Variants in RPTOR observed in about 807,000 individuals in gnomAD.
The protein encoded by RPTOR is regulatory associated protein of MTOR complex 1.
Under a neutral mutation model 169.9 loss-of-function variants are expected in RPTOR, and 21 were observed. The ratio of observed to expected loss-of-function variants is 0.12; its 90% CI spans 0.09 to 0.18. RPTOR has a LOEUF of 0.18. Among genes scored for constraint, RPTOR ranks in the 10% least tolerant of loss-of-function variants. The probability of loss-of-function intolerance (pLI) is 1.00; values close to 1 mark genes in which losing one functional copy is unlikely to be tolerated. For missense variants in RPTOR, 1,133 were observed against 1,855.9 expected (o/e 0.61, Z 7.16); for synonymous variants, 732 against 753.2 (o/e 0.97, Z 0.46).
chr17:80,856,873 C>T (rs540355524), intron 12 of RPTOR, among the ~76,000 whole-genome samples: 13 of 152,302 alleles, frequency 8.5e-5, no homozygotes, highest in South Asian at 4.1e-4. Context: ...GCTGGATAAA[C>T]GAGGTATTTT....
At chr17:80,572,169 C>T (rs2064913358) in intron 1 of RPTOR, among the ~76,000 whole-genome samples, 1 of 152,152 alleles carries the variant, frequency 6.6e-6, no homozygotes, top group Non-Finnish European at 1.5e-5. Context: ...ACCATCACGG[C>T]TCACTGCAGC....
At chr17:80,569,499 T>G (rs1284467837) in intron 1 of RPTOR, among the ~76,000 whole-genome samples, 1 of 151,332 alleles carries the variant, frequency 6.6e-6, no homozygotes, top group African/African-American at 2.4e-5. Context: ...TACTCCAGCC[T>G]GGGCAACAGA....
chr17:80,893,147 C>T (rs2068347783), intron 19 of RPTOR, among the ~76,000 whole-genome samples: 1 of 152,264 alleles, frequency 6.6e-6, no homozygotes. Context: ...AGGGCTGTGC[C>T]CTGCCCCCGT....
chr17:80,765,265 G>C (rs968077020), intron 6 of RPTOR, among the ~76,000 whole-genome samples: 8 of 152,130 alleles, frequency 5.3e-5, no homozygotes, highest in Admixed American at 1.3e-4. Context: ...CTGGGCACTT[G>C]CTCTCAGTTC....
rs2066289174 is a variant in RPTOR at position 80,721,794 on chromosome 17, C to T, written c.508-8766C>T. Among the ~76,000 whole-genome samples, 1 of 151,212 alleles carries T rather than the reference C, an allele frequency of 6.6e-6. No homozygotes were observed. The highest frequency in any genetic ancestry group is 2.1e-4 in the South Asian group (1 of 4,826). ...TATTTATTAATAGGCTTAAGATAGC[C>T]AGAAGGACATTTCTGCTAGAAAGTT... is the stretch of plus-strand genomic sequence containing the variant. On this transcript the variant is annotated intron_variant, in intron 4 of 33. Coordinates refer to ENST00000306801, the MANE Select transcript of RPTOR (RefSeq NM_020761.3). The surrounding 1 kb of genome is among the most constrained non-coding windows in gnomAD (Gnocchi z 4.7).
At chr17:80,716,530 C>T (rs2066240968) in intron 4 of RPTOR, among the ~76,000 whole-genome samples, 1 of 152,120 alleles carries the variant, frequency 6.6e-6, no homozygotes, top group South Asian at 2.1e-4. Flanking sequence ...TCTGTTTACT[C>T]TGCTGACTGT....
chr17:80,935,146 C>A (rs953798921), intron 24 of RPTOR, among the ~76,000 whole-genome samples: 1 of 151,980 alleles, frequency 6.6e-6, no homozygotes, highest in African/African-American at 2.4e-5. Flanking sequence ...AAGTATAAAT[C>A]TTTTTTCAAA....
At chr17:80,776,871 CAG>C (rs2066896729) in intron 6 of RPTOR, among the ~76,000 whole-genome samples, 1 of 152,120 alleles carries the variant, frequency 6.6e-6, no homozygotes. Context: ...AGGCCGGAGA[CAG>C]AGAAGGCCCC....
rs917990603 is a variant in RPTOR, at chr17:80,964,587, G to A, written c.*257G>A. 2.0e-5 allele frequency: 11 copies of A among 554,312 alleles called. No individual in the cohort carries two copies. The highest frequency in any genetic ancestry group is 3.0e-5 in the East Asian group (1 of 33,870). 34.3% of individuals were successfully genotyped at this position (554,312 alleles called of 1,614,324 possible). Reference sequence around the variant, plus strand: ...CACCAGCATCCAGGTGCACCCCCGCGGCCACGGCGCCTCTGTCCCTCTCCT... The same window carrying A: ...CACCAGCATCCAGGTGCACCCCCGCAGCCACGGCGCCTCTGTCCCTCTCCT... On this transcript the variant is annotated 3_prime_UTR_variant, in exon 34 of 34. Coordinates refer to ENST00000306801, the MANE Select transcript of RPTOR (RefSeq NM_020761.3).
At chr17:80,586,485 C>T (rs1371845091) in intron 1 of RPTOR, among the ~76,000 whole-genome samples, 2 of 152,178 alleles carry the variant, frequency 1.3e-5, no homozygotes, top group Non-Finnish European at 2.9e-5. Flanking sequence ...AAAAAAGTAA[C>T]AAAGAATTAA....
intron 13 of RPTOR, among the ~76,000 whole-genome samples, chr17:80,879,324 T>A (rs989843882): frequency 6.6e-6 from 1 of 150,844 alleles, no homozygotes; most frequent in African/African-American, 2.4e-5. Flanking sequence ...TGCTGGGCTC[T>A]GCAGCCCCTC....
At chr17:80,826,091 T>A (rs62069420) in intron 9 of RPTOR, among the ~76,000 whole-genome samples, 5,537 of 152,162 alleles carry the variant, frequency 0.036, 147 homozygotes, top group East Asian at 0.069. Context: ...TTGTCAGACA[T>A]AGGCCACCCA....
At chr17:80,729,032 C>T (rs934052380) in intron 4 of RPTOR, among the ~76,000 whole-genome samples, 2 of 152,232 alleles carry the variant, frequency 1.3e-5, no homozygotes, top group Non-Finnish European at 2.9e-5. Context: ...ACCCCCCACA[C>T]ATCTGCGTCG....
At chr17:80,864,456 G>A (rs573008651) in intron 13 of RPTOR, among the ~76,000 whole-genome samples, 35 of 152,202 alleles carry the variant, frequency 2.3e-4, no homozygotes, top group Non-Finnish European at 3.4e-4. Flanking sequence ...TCCTACAGAT[G>A]GAAAAGGCAG....
Position 80,707,136 on chromosome 17 carries a change from A to C in RPTOR, c.349-705A>C, listed in dbSNP as rs1236961198. Among the ~76,000 whole-genome samples the C allele has an allele frequency of 3.9e-5, 6 of 151,994 alleles. No homozygotes were observed. The East Asian group carries it at 1.2e-3, about 29-fold the overall frequency. ...GGAGCTTTCAGCAGGGCGATTCCTT[A>C]CTCGGTCTCTTCACTCTTCTGCCAT... On this transcript the variant is annotated intron_variant, in intron 3 of 33. Coordinates refer to ENST00000306801, the MANE Select transcript of RPTOR (RefSeq NM_020761.3). This position sits in a 1 kb window ranked among gnomAD's most constrained non-coding sequence, Gnocchi z 5.0.
chr17:80,834,384 G>A (rs1169019264), intron 9 of RPTOR, among the ~76,000 whole-genome samples: 3 of 151,976 alleles, frequency 2.0e-5, no homozygotes, highest in Non-Finnish European at 1.5e-5. Context: ...CTGGGTAGCC[G>A]GACGGCCCCG....
chr17:80,855,917 C>G (rs371884473), intron 12 of RPTOR, among the ~76,000 whole-genome samples: 2 of 152,180 alleles, frequency 1.3e-5, no homozygotes, highest in African/African-American at 4.8e-5. Context: ...GCTGCTTCCC[C>G]CAGGAGGAGT....
intron 13 of RPTOR, among the ~76,000 whole-genome samples, chr17:80,868,269 A>G (rs1033995892): frequency 6.6e-6 from 1 of 152,236 alleles, no homozygotes; most frequent in African/African-American, 2.4e-5. Context: ...AAAATTGGGC[A>G]AAAGGTTTGA....
Position 80,660,097 on chromosome 17 carries a change from C to T in RPTOR, c.348+16287C>T, listed in dbSNP as rs562449870. 5.9e-5 allele frequency among the ~76,000 whole-genome samples: 9 copies of T among 151,976 alleles called. No individual in the cohort carries two copies. The South Asian group carries it at 8.3e-4, about 14-fold the overall frequency. Reference sequence around the variant, plus strand: ...ACCAGTCTGGCCAACGTGGTGAAACCCTGTCTCTACTAAAAATGCAAAAAT... The same window carrying T: ...ACCAGTCTGGCCAACGTGGTGAAACTCTGTCTCTACTAAAAATGCAAAAAT... On this transcript the variant is annotated intron_variant, in intron 3 of 33. Transcript: ENST00000306801.
Sources: gnomAD v4.1 joint callset for allele counts (sites outside exome capture counted in the v4.1 genomes callset) on GRCh38, gnomAD v4.1.1 for gene constraint, Gnocchi (gnomAD v3.1) non-coding constraint, MANE v1.5 for transcripts, NCBI Gene and HGNC (gene_info 2026-07-23, HGNC 2026-07-21) for gene names.